MEI4: variants seen among roughly 807,000 people sequenced by gnomAD.
The protein encoded by MEI4 is meiotic double-stranded break formation protein 4, also known as meiosis-specific protein MEI4.
MEI4 carries 27 observed loss-of-function variants against 31.4 expected under a neutral mutation model. That is an observed-to-expected ratio of 0.86 (90% CI 0.63 to 1.19). The LOEUF is 1.19. MEI4 is among the 50% of genes most tolerant of loss of function. The pLI, the probability that MEI4 is intolerant of heterozygous loss-of-function variation, is 0.00. For synonymous variants in MEI4, 122 were observed against 145.4 expected (o/e 0.84, Z 1.16); for missense variants, 329 against 398.9 (o/e 0.82, Z 1.49).
intron 3 of MEI4, among the ~76,000 whole-genome samples, chr6:77,769,244 T>C (rs1768248800): frequency 6.6e-6 from 1 of 152,170 alleles, no homozygotes; most frequent in Admixed American, 6.6e-5. Flanking sequence ...AGCTTAGTGC[T>C]GTCCTGTCAG....
At chr6:77,673,901 A>G (rs1562200786) in intron 1 of MEI4, among the ~76,000 whole-genome samples, 1 of 152,212 alleles carries the variant, frequency 6.6e-6, no homozygotes, top group Non-Finnish European at 1.5e-5. Context: ...GCACTTAAAA[A>G]ATAATGTAAA....
At chr6:77,710,793 G>GAC (rs1766445983) in intron 2 of MEI4, among the ~76,000 whole-genome samples, 1 of 152,070 alleles carries the variant, frequency 6.6e-6, no homozygotes, top group African/African-American at 2.4e-5. Context: ...TCTGGACTGA[G>GAC]ACATGATTCT....
intron 4 of MEI4, among the ~76,000 whole-genome samples, chr6:77,902,741 C>T (rs1052736750): frequency 6.6e-6 from 1 of 152,092 alleles, no homozygotes; most frequent in Non-Finnish European, 1.5e-5. Context: ...CAGAAGAATG[C>T]AGCCATTTGT....
At chr6:77,735,129 G>A (rs144703392) in intron 2 of MEI4, among the ~76,000 whole-genome samples, 4,920 of 151,752 alleles carry the variant, frequency 0.032, 305 homozygotes, top group African/African-American at 0.11. Flanking sequence ...TGCTCTTCTC[G>A]AGGAGTATCT....
intron 3 of MEI4, among the ~76,000 whole-genome samples, chr6:77,827,172 AAC>A (rs1260075796): frequency 6.6e-6 from 1 of 151,926 alleles, no homozygotes; most frequent in African/African-American, 2.4e-5. Context: ...CATCCTGGCT[AAC>A]ACGGTGAAAC....
At chr6:77,920,377 A>T (rs1363116874) in intron 4 of MEI4, among the ~76,000 whole-genome samples, 1 of 152,156 alleles carries the variant, frequency 6.6e-6, no homozygotes, top group African/African-American at 2.4e-5. Flanking sequence ...TACAGCATAT[A>T]AACAGAGCCA....
intron 4 of MEI4, among the ~76,000 whole-genome samples, chr6:77,872,986 G>T (rs888278294): frequency 9.3e-5 from 14 of 151,148 alleles, no homozygotes; most frequent in South Asian, 8.4e-4. Context: ...ATCATTGTTG[G>T]ACATTTGGGT....
intron 4 of MEI4, among the ~76,000 whole-genome samples, chr6:77,919,283 A>G (rs1766643415): frequency 6.6e-6 from 1 of 152,098 alleles, no homozygotes; most frequent in African/African-American, 2.4e-5. Context: ...AAGAACAGAG[A>G]TTATAACAAA....
intron 3 of MEI4, among the ~76,000 whole-genome samples, chr6:77,762,488 A>T (rs968212902): frequency 6.6e-6 from 1 of 152,214 alleles, no homozygotes; most frequent in African/African-American, 2.4e-5. Flanking sequence ...ACTACCAAAA[A>T]TATAATAGAA....
intron 3 of MEI4, among the ~76,000 whole-genome samples, chr6:77,794,188 C>T (rs1769015973): frequency 6.6e-6 from 1 of 152,128 alleles, no homozygotes. Flanking sequence ...TTATTCTAAA[C>T]TGACACAGAC....
intron 2 of MEI4, among the ~76,000 whole-genome samples, chr6:77,753,921 A>T (rs992396823): frequency 6.6e-6 from 1 of 152,200 alleles, no homozygotes; most frequent in Non-Finnish European, 1.5e-5. Flanking sequence ...CTGTGCAGCC[A>T]TGAAAAAGGA....
chr6:77,816,397 TAATC>T (rs1409704792), intron 3 of MEI4, among the ~76,000 whole-genome samples: 1 of 152,184 alleles, frequency 6.6e-6, no homozygotes, highest in African/African-American at 2.4e-5. Context: ...TTGATCAAGT[TAATC>T]AATATAAATT....
In MEI4 at chr6:77,734,811, C is replaced by T. The variant is rs566870679; in HGVS notation, c.233-26319C>T. Among the ~76,000 whole-genome samples, 1,239 of 151,856 alleles carry T rather than the reference C, an allele frequency of 8.2e-3. 48 individuals carry two copies. In the East Asian group the frequency reaches 0.14, roughly 17 times the overall value. On this transcript the variant is annotated intron_variant, in intron 2 of 4. Coordinates refer to ENST00000684080, the MANE Select transcript of MEI4 (RefSeq NM_001322247.2). ...CCGTGTTTAGCGCTTCCTTCAGGAG[C>T]TCTTTTAGGGCAGGCCTGGTTGTGA...
At chr6:77,771,814 C>T (rs147487329) in intron 3 of MEI4, among the ~76,000 whole-genome samples, 2 of 151,868 alleles carry the variant, frequency 1.3e-5, no homozygotes, top group Non-Finnish European at 2.9e-5. Context: ...AGGGAGAAGA[C>T]TAGAAAAAAT....
chr6:77,708,249 A>G (rs559685960), intron 2 of MEI4, among the ~76,000 whole-genome samples: 2 of 152,366 alleles, frequency 1.3e-5, no homozygotes, highest in East Asian at 3.9e-4. Context: ...TGTCATGGAT[A>G]TGGGACACTG....
intron 2 of MEI4, among the ~76,000 whole-genome samples, chr6:77,740,838 T>C (rs1386055846): frequency 1.3e-5 from 2 of 151,854 alleles, no homozygotes; most frequent in Admixed American, 6.6e-5. Context: ...ATAATATGAA[T>C]TCAGACCACC....
chr6:77,879,773 A>G (rs548343748), intron 4 of MEI4, among the ~76,000 whole-genome samples: 4 of 152,264 alleles, frequency 2.6e-5, no homozygotes, highest in Non-Finnish European at 4.4e-5. Flanking sequence ...TAACCTGTCA[A>G]TGTACACAAG....
chr6:77,742,022 T>C (rs1281879068), intron 2 of MEI4, among the ~76,000 whole-genome samples: 1 of 152,042 alleles, frequency 6.6e-6, no homozygotes, highest in African/African-American at 2.4e-5. Context: ...TCTATCATTG[T>C]TGGACATTTG....
intron 3 of MEI4, among the ~76,000 whole-genome samples, chr6:77,809,374 G>A (rs1769515466): frequency 6.6e-6 from 1 of 152,134 alleles, no homozygotes; most frequent in Non-Finnish European, 1.5e-5. Context: ...TGGGGTAGTA[G>A]GAGAAATGCA....
Sources: allele counts gnomAD v4.1 joint callset (sites outside exome capture counted in the v4.1 genomes callset), GRCh38; gene constraint gnomAD v4.1.1; transcripts MANE v1.5; gene names NCBI Gene and HGNC (gene_info 2026-07-23, HGNC 2026-07-21).